The following LDLRAD4 variants were observed in gnomAD, a reference collection of about 807,000 sequenced individuals.
LDLRAD4 encodes the protein low density lipoprotein receptor class A domain containing 4, also known as low-density lipoprotein receptor class A domain-containing protein 4.
A neutral mutation model predicts 17.0 loss-of-function variants in LDLRAD4; 5 were observed. That is an observed-to-expected ratio of 0.29 (90% confidence interval 0.15 to 0.62). The LOEUF is 0.62. Ranked by LOEUF, LDLRAD4 falls within the 20% of genes least tolerant of loss-of-function variation. LDLRAD4 has a pLI of 0.84. For synonymous variants in LDLRAD4, 168 were observed against 171.8 expected, an observed-to-expected ratio of 0.98 and a Z score of 0.17; for missense variants, 340 against 424.7, an observed-to-expected ratio of 0.80 and a Z score of 1.75.
intron 2 of LDLRAD4, among the ~76,000 whole-genome samples, chr18:13,391,166 T>C (rs1278028160): frequency 1.3e-5 from 2 of 152,222 alleles, no homozygotes; most frequent in African/African-American, 4.8e-5. Flanking sequence ...AGGCTTTAAA[T>C]TTTGTTTTAG....
At chr18:13,279,116 C>T (rs2045082083) in intron 1 of LDLRAD4, among the ~76,000 whole-genome samples, 1 of 152,218 alleles carries the variant, frequency 6.6e-6, no homozygotes, top group South Asian at 2.1e-4. Context: ...TGTTTCTCTC[C>T]TCTCTCCTGA....
rs149558755 is a variant in LDLRAD4 at position 13,283,333 on chromosome 18, C to T, written c.-383+5145C>T. ...TGCAAATTTTCCAAACTTTTATGCT[C>T]TGCTTCCCTTATACAACTGAATGCC... On this transcript the variant is annotated intron_variant, in intron 1 of 5. Coordinates refer to ENST00000359446, the Ensembl canonical transcript of LDLRAD4. Among the ~76,000 whole-genome samples, 924 of 152,332 alleles carry T rather than the reference C, an allele frequency of 6.1e-3. 18 individuals are homozygous for T. Among genetic ancestry groups the T allele is most frequent in the African/African-American group, 0.021 (882 of 41,572 alleles).
chr18:13,527,228 T>C (rs1411074570), intron 3 of LDLRAD4, among the ~76,000 whole-genome samples: 1 of 152,282 alleles, frequency 6.6e-6, no homozygotes, highest in Non-Finnish European at 1.5e-5. Context: ...ATACCAGTTC[T>C]ACAGACACTT....
intron 4 of LDLRAD4, chr18:13,642,180 C>G: frequency 5.1e-6 from 5 of 985,588 alleles, no homozygotes; most frequent in African/African-American, 3.5e-5. Context: ...AGGAAAGGGC[C>G]GTGTTGGACA....
At chr18:13,631,053 G>A (rs1156857015) in intron 4 of LDLRAD4, among the ~76,000 whole-genome samples, 3 of 152,204 alleles carry the variant, frequency 2.0e-5, no homozygotes, top group South Asian at 2.1e-4. Flanking sequence ...GGGTTCGGGC[G>A]TGGTGTGGCC....
intron 1 of LDLRAD4, among the ~76,000 whole-genome samples, chr18:13,348,033 C>T (rs1456419757): frequency 6.6e-6 from 1 of 152,192 alleles, no homozygotes; most frequent in African/African-American, 2.4e-5. Flanking sequence ...TCCATTAGCT[C>T]AGAGTAGTTT....
At chr18:13,270,285 C>T (rs2044456550) in intron 1 of LDLRAD4, among the ~76,000 whole-genome samples, 1 of 151,744 alleles carries the variant, frequency 6.6e-6, no homozygotes, top group Non-Finnish European at 1.5e-5. Flanking sequence ...GGATCACTTG[C>T]ACCCAGGAAG....
intron 3 of LDLRAD4, among the ~76,000 whole-genome samples, chr18:13,498,200 G>A (rs149342537): frequency 0.015 from 2,128 of 142,818 alleles, 58 homozygotes; most frequent in Middle Eastern, 0.036. Flanking sequence ...CCACACACAC[G>A]TCCTGCCGTG....
chr18:13,632,877 C>CT (rs1331674908), intron 4 of LDLRAD4, among the ~76,000 whole-genome samples: 1 of 152,028 alleles, frequency 6.6e-6, no homozygotes, highest in Admixed American at 6.6e-5. Flanking sequence ...ATCCTGATGT[C>CT]TGTCTGTCCA....
intron 1 of LDLRAD4, among the ~76,000 whole-genome samples, chr18:13,243,176 A>C (rs2042754113): frequency 6.6e-6 from 1 of 152,196 alleles, no homozygotes; most frequent in Non-Finnish European, 1.5e-5. Context: ...TTTCCAAGGG[A>C]GTAGGCCACC....
chr18:13,270,231 C>A (rs890137182), intron 1 of LDLRAD4, among the ~76,000 whole-genome samples: 1 of 151,966 alleles, frequency 6.6e-6, no homozygotes, highest in Non-Finnish European at 1.5e-5. Flanking sequence ...GGCCTGGTGG[C>A]GTGCCTACCT....
intron 1 of LDLRAD4, among the ~76,000 whole-genome samples, chr18:13,272,770 A>C (rs1414195301): frequency 6.6e-6 from 1 of 152,192 alleles, no homozygotes; most frequent in Non-Finnish European, 1.5e-5. Flanking sequence ...CAGCTGGGAC[A>C]CTTCAGGGAC....
chr18:13,309,934 G>A (rs2047133410), intron 1 of LDLRAD4, among the ~76,000 whole-genome samples: 1 of 152,160 alleles, frequency 6.6e-6, no homozygotes, highest in African/African-American at 2.4e-5. Flanking sequence ...TCAATGGAAC[G>A]ATAGCGCAGT....
rs57943534 is a variant in LDLRAD4, at chr18:13,422,535, C to CA, written c.41-15694dup. 4.6e-3 allele frequency among the ~76,000 whole-genome samples: 548 copies of CA among 119,410 alleles called. 1 individual carries two copies. Among genetic ancestry groups the CA allele is most frequent in the Middle Eastern group, 0.016 (4 of 252 alleles). 78.3% of individuals were successfully genotyped at this position (119,410 alleles called of 152,430 possible). A position where few individuals can be genotyped will look rare whatever the true frequency, so the allele number is the denominator to read the frequency against. On this transcript the variant is annotated intron_variant, in intron 2 of 5. Transcript: ENST00000359446. ...AACATATTGAGACCCCCATCTCTAC[C>CA]AAAAAAAAAAAAAAAGGCCAAGTGT...
At chr18:13,254,165 C>G (rs569261080) in intron 1 of LDLRAD4, among the ~76,000 whole-genome samples, 1 of 152,184 alleles carries the variant, frequency 6.6e-6, no homozygotes, top group Non-Finnish European at 1.5e-5. Context: ...TGAACACGGA[C>G]GGGCGGTGTC....
chr18:13,442,909 C>G (rs16940554), intron 3 of LDLRAD4, among the ~76,000 whole-genome samples: 9,230 of 152,226 alleles, frequency 0.061, 665 homozygotes, highest in East Asian at 0.34. Flanking sequence ...GAAGCCACAA[C>G]TTTCCCTTTG....
chr18:13,374,572 G>A (rs549035688), intron 1 of LDLRAD4, among the ~76,000 whole-genome samples: 5 of 152,346 alleles, frequency 3.3e-5, no homozygotes, highest in African/African-American at 9.6e-5. Flanking sequence ...GGAAGCTCTG[G>A]TCTGGATCTT....
At chr18:13,449,955 A>G (rs1003902553) in intron 3 of LDLRAD4, among the ~76,000 whole-genome samples, 4 of 152,188 alleles carry the variant, frequency 2.6e-5, no homozygotes, top group Non-Finnish European at 5.9e-5. Context: ...ACCTTCCATC[A>G]CGGGATGTAA....
At chr18:13,570,396 G>A (rs2094672681) in intron 3 of LDLRAD4, among the ~76,000 whole-genome samples, 1 of 152,232 alleles carries the variant, frequency 6.6e-6, no homozygotes, top group South Asian at 2.1e-4. Context: ...CACACAGGCA[G>A]TTATCAGGGC....
Sources: gnomAD v4.1 joint callset for allele counts (sites outside exome capture counted in the v4.1 genomes callset) on GRCh38, gnomAD v4.1.1 for gene constraint, MANE v1.5 for transcripts, NCBI Gene and HGNC (gene_info 2026-07-23, HGNC 2026-07-21) for gene names.